Variants in PRDM14 observed in about 807,000 individuals in gnomAD.
PRDM14 encodes PR/SET domain 14.
A neutral mutation model predicts 48.0 loss-of-function variants in PRDM14; 16 were observed. The observed-to-expected ratio is 0.33, with a 90% confidence interval of 0.23 to 0.51. PRDM14 has a LOEUF of 0.51. Among genes scored for constraint, PRDM14 ranks in the 20% least tolerant of loss-of-function variants. The probability of loss-of-function intolerance (pLI) is 0.97; values close to 1 mark genes in which losing one functional copy is unlikely to be tolerated. For synonymous variants in PRDM14, 264 were observed against 276.6 expected (o/e 0.95, Z 0.45); for missense variants, 566 against 719.6 (o/e 0.79, Z 2.44).
At position 70,069,877 on chromosome 8, in the gene PRDM14, C is replaced by A; in HGVS notation, c.-17G>T. ...TAGAGCCATCCCGGGACCGCACGCT[C>A]GGCGGCTCTGCAGAAAAGCGGGCGC... is the stretch of plus-strand genomic sequence containing the variant. On this transcript the variant is annotated 5_prime_UTR_variant, in exon 2 of 8. Coordinates refer to ENST00000276594, the MANE Select transcript of PRDM14 (RefSeq NM_024504.4). 2 of 1,554,174 alleles carry A rather than the reference C, an allele frequency of 1.3e-6. No individual in the cohort carries two copies. Among genetic ancestry groups the A allele is most frequent in the Non-Finnish European group, 8.7e-7 (1 of 1,147,890 alleles).
chr8:70,059,204 C>T (rs1331908253), intron 5 of PRDM14, among the ~76,000 whole-genome samples: 1 of 152,132 alleles, frequency 6.6e-6, no homozygotes, highest in East Asian at 1.9e-4. Context: ...ATCAGCCCCT[C>T]TTGGCCTCCC....
intron 7 of PRDM14, among the ~76,000 whole-genome samples, chr8:70,054,998 T>C (rs1283478448): frequency 2.0e-5 from 3 of 152,138 alleles, no homozygotes; most frequent in South Asian, 2.1e-4. Context: ...AATTTGATTA[T>C]AGGTGTGAGC....
At chr8:70,062,173 T>C (rs958741467) in intron 5 of PRDM14, among the ~76,000 whole-genome samples, 2 of 152,224 alleles carry the variant, frequency 1.3e-5, no homozygotes, top group East Asian at 3.8e-4. Flanking sequence ...AATAATGCTG[T>C]AAGCATCAGG....
At chr8:70,057,027 G>A (rs573533836) in intron 6 of PRDM14, among the ~76,000 whole-genome samples, 298 of 149,050 alleles carry the variant, frequency 2.0e-3, no homozygotes, top group African/African-American at 5.9e-3. Context: ...GTGCGGTGGC[G>A]CGATCTCGGC....
chr8:70,069,528 C>T lies in PRDM14; in HGVS notation c.333G>A (p.Val111=). 2.5e-6 allele frequency: 4 copies of T among 1,605,746 alleles called. No homozygotes were observed. The highest frequency in any genetic ancestry group is 3.4e-6 in the Non-Finnish European group (4 of 1,175,534). Residue 111 remains valine (V), a synonymous_variant, in exon 2 of 8, where the codon GTG becomes GTA. Coordinates refer to ENST00000276594, the MANE Select transcript of PRDM14 (RefSeq NM_024504.4). ...WYPIPHVPRE[V]PPFLSSSHEY... Reference sequence around the variant, plus strand: ...CGTGGCTGCTGCTCAGGAAGGGCGGCACTTCCCTGGGGACGTGGGGAATTG... The same window carrying T: ...CGTGGCTGCTGCTCAGGAAGGGCGGTACTTCCCTGGGGACGTGGGGAATTG...
intron 1 of PRDM14, among the ~76,000 whole-genome samples, chr8:70,070,451 C>A (rs1805747925): frequency 6.6e-6 from 1 of 152,152 alleles, no homozygotes; most frequent in African/African-American, 2.4e-5. Flanking sequence ...CAGATGGAGA[C>A]GCGCTCCCAG....
chr8:70,052,858 C>G lies in PRDM14; in HGVS notation c.1489-554G>C, dbSNP rs192944986. 6.7e-3 allele frequency among the ~76,000 whole-genome samples: 641 copies of G among 96,100 alleles called. 8 individuals are homozygous for G. The highest frequency in any genetic ancestry group is 0.026 in the African/African-American group (612 of 23,560). The allele number at this position is 96,100 out of a possible 152,430, so 63.0% of individuals were successfully genotyped here. On this transcript the variant is annotated intron_variant, in intron 7 of 7. Transcript: ENST00000276594. ...CCAGCCTGGGTGACAGAGTGAGACT[C>G]TGTCTCCAAAAAAAAAAAAAAAAAA...
chr8:70,054,276 G>C (rs1279142048), intron 7 of PRDM14, among the ~76,000 whole-genome samples: 1 of 152,180 alleles, frequency 6.6e-6, no homozygotes, highest in Non-Finnish European at 1.5e-5. Context: ...GATTAAAGTA[G>C]TAATAATAGC....
chr8:70,066,956 C>T (rs962463979), intron 4 of PRDM14, among the ~76,000 whole-genome samples: 9 of 152,220 alleles, frequency 5.9e-5, no homozygotes, highest in Middle Eastern at 3.4e-3. Context: ...CCTCAAACTC[C>T]TGGGTTCAAG....
chr8:70,070,257 C>T (rs531222541), intron 1 of PRDM14, among the ~76,000 whole-genome samples: 61 of 152,152 alleles, frequency 4.0e-4, no homozygotes, highest in Non-Finnish European at 7.6e-4. Context: ...CCCTTTCCTT[C>T]CTTCTTCTCA....
At chr8:70,066,178 G>C (rs572094154) in intron 5 of PRDM14, 57 bp downstream of exon 5, 15 of 1,557,960 alleles carry the variant, frequency 9.6e-6, no homozygotes, top group Middle Eastern at 2.4e-4. Flanking sequence ...TTGTGGAAAA[G>C]AGCCCAGTCC....
intron 2 of PRDM14, 57 bp downstream of exon 2, chr8:70,069,104 C>T: frequency 7.3e-7 from 1 of 1,366,010 alleles, no homozygotes; most frequent in Non-Finnish European, 9.8e-7. Flanking sequence ...CGGACACTCC[C>T]GTTCCCGCCT....
intron 6 of PRDM14, among the ~76,000 whole-genome samples, chr8:70,057,217 G>A (rs550907145): frequency 5.0e-4 from 76 of 151,972 alleles, no homozygotes; most frequent in African/African-American, 1.4e-3. Context: ...CACCTGTCTC[G>A]GCCTCCCAAA....
rs368986193 is a variant in PRDM14, at chr8:70,068,571, T to G, written c.701-39A>C. 906 of 1,584,438 alleles carry G rather than the reference T, an allele frequency of 5.7e-4. 1 individual carries two copies. The highest frequency in any genetic ancestry group is 7.5e-4 in the Non-Finnish European group (871 of 1,153,798). ...GGTTAAAACAATTTTTCATTAAAAA[T>G]GCATTATAAAGTGCTTTTATGAGGT... On this transcript the variant is annotated intron_variant, in intron 2 of 7. Coordinates refer to ENST00000276594, the MANE Select transcript of PRDM14 (RefSeq NM_024504.4).
chr8:70,059,106 T>G (rs10111497), intron 5 of PRDM14, among the ~76,000 whole-genome samples: 23,180 of 148,432 alleles, frequency 0.16, 2,026 homozygotes, highest in East Asian at 0.38. Context: ...AGGTGCCCAC[T>G]ACCACGCCTG....
At chr8:70,053,321 G>A (rs1805419796) in intron 7 of PRDM14, among the ~76,000 whole-genome samples, 2 of 129,840 alleles carry the variant, frequency 1.5e-5, no homozygotes, top group African/African-American at 3.1e-5. Context: ...TGCCTTACTG[G>A]TTTTCTTCTT....
At chr8:70,070,351 G>T (rs1318465089) in intron 1 of PRDM14, among the ~76,000 whole-genome samples, 3 of 152,146 alleles carry the variant, frequency 2.0e-5, no homozygotes, top group Non-Finnish European at 2.9e-5. Flanking sequence ...GAGCGCAGGC[G>T]GTCGGAGGGC....
intron 4 of PRDM14, among the ~76,000 whole-genome samples, chr8:70,067,291 C>G (rs1379117314): frequency 6.6e-6 from 1 of 152,168 alleles, no homozygotes; most frequent in Non-Finnish European, 1.5e-5. Context: ...GAGGCCAAAG[C>G]AGGCGGATCA....
rs1805393685 is a variant in PRDM14 at position 70,052,039 on chromosome 8, G to T, written c.*38C>A. 7.0e-7 allele frequency: 1 copy of T among 1,435,726 alleles called. No individual in the cohort carries two copies. Among genetic ancestry groups the T allele is most frequent in the East Asian group, 2.3e-5 (1 of 43,550 alleles). The allele number at this position is 1,435,726 out of a possible 1,614,324, so 88.9% of individuals were successfully genotyped here. A position where few individuals can be genotyped will look rare whatever the true frequency, so the allele number is the denominator to read the frequency against. On this transcript the variant is annotated 3_prime_UTR_variant, in exon 8 of 8. Coordinates refer to ENST00000276594, the MANE Select transcript of PRDM14 (RefSeq NM_024504.4). Reference sequence around the variant, plus strand: ...TCCACCCACCTCTGCCTCCCAAAGTGCTGGGATTACAGGCGTGAGTCATTG... The same window carrying T: ...TCCACCCACCTCTGCCTCCCAAAGTTCTGGGATTACAGGCGTGAGTCATTG...
Sources: allele counts gnomAD v4.1 joint callset (sites outside exome capture counted in the v4.1 genomes callset), GRCh38; gene constraint gnomAD v4.1.1; transcripts MANE v1.5; gene names NCBI Gene and HGNC (gene_info 2026-07-23, HGNC 2026-07-21).